DAB1: variants seen among roughly 807,000 people sequenced by gnomAD.
The protein encoded by DAB1 is disabled homolog 1.
A neutral mutation model predicts 64.6 loss-of-function variants in DAB1; 15 were observed. The observed-to-expected ratio is 0.23, with a 90% confidence interval of 0.16 to 0.36. The LOEUF (loss-of-function observed/expected upper bound fraction) is 0.36. Ranked by LOEUF, DAB1 falls within the 10% of genes least tolerant of loss-of-function variation. The pLI is 1.00. For synonymous variants in DAB1, 235 were observed against 251.9 expected (o/e 0.93, Z 0.64); for missense variants, 596 against 706.7 (o/e 0.84, Z 1.78).
chr1:57,320,613 C>T (rs904544331), intron 1 of DAB1, among the ~76,000 whole-genome samples: 3 of 152,100 alleles, frequency 2.0e-5, no homozygotes, highest in Non-Finnish European at 4.4e-5. Context: ...AGATCATGTT[C>T]ACACATTATG....
rs35985910 is a variant in DAB1 at position 58,167,054 on chromosome 1, TAA to T, written n.310-16468_310-16467del. ...TGAGCCATTGCACTCAGCCAACTAT[TAA>T]AAAAAAAAAAAGCTGCCAAATTGCT... On this transcript the variant is annotated intron_variant and non_coding_transcript_variant, in intron 4 of 20. Transcript: ENST00000485760. Among the ~76,000 whole-genome samples, 348 of 146,310 alleles carry T rather than the reference TAA, an allele frequency of 2.4e-3. 1 individual carries two copies. The highest frequency in any genetic ancestry group is 6.2e-3 in the African/African-American group (250 of 40,176).
At chr1:58,209,733 T>C (rs1658457975) in intron 4 of DAB1, among the ~76,000 whole-genome samples, 1 of 152,172 alleles carries the variant, frequency 6.6e-6, no homozygotes, top group Admixed American at 6.6e-5. Flanking sequence ...ATTAAACACA[T>C]TGAAAAAATA....
At chr1:57,579,518 G>T (rs537010330) in intron 7 of DAB1, among the ~76,000 whole-genome samples, 72 of 152,276 alleles carry the variant, frequency 4.7e-4, no homozygotes, top group South Asian at 3.5e-3. Context: ...TAATTAACAT[G>T]ACTATTTTTA....
chr1:57,238,862 C>T (rs1167158318), intron 2 of DAB1, among the ~76,000 whole-genome samples: 18 of 125,330 alleles, frequency 1.4e-4, no homozygotes, highest in Admixed American at 6.2e-4. Context: ...CACACACATA[C>T]ACACACACAC....
At chr1:57,915,200 T>C (rs1292738818) in intron 5 of DAB1, among the ~76,000 whole-genome samples, 1 of 152,118 alleles carries the variant, frequency 6.6e-6, no homozygotes, top group Non-Finnish European at 1.5e-5. Context: ...AATGTGTTTC[T>C]TTGGAGAATG....
intron 2 of DAB1, among the ~76,000 whole-genome samples, chr1:57,245,199 T>C (rs1341103946): frequency 1.3e-5 from 2 of 152,204 alleles, no homozygotes; most frequent in African/African-American, 2.4e-5. Context: ...TTGGCACAGA[T>C]TGGTGGCATT....
chr1:58,521,658 A>T (rs1465947464), intron 2 of DAB1, among the ~76,000 whole-genome samples: 1 of 152,142 alleles, frequency 6.6e-6, no homozygotes, highest in African/African-American at 2.4e-5. Flanking sequence ...ACTTCATGCC[A>T]ATGATTTTGA....
chr1:57,959,125 C>A (rs1327794107), intron 5 of DAB1, among the ~76,000 whole-genome samples: 2 of 152,152 alleles, frequency 1.3e-5, no homozygotes, highest in African/African-American at 2.4e-5. Context: ...AGTGTCCACT[C>A]CAGAGCAGTC....
At chr1:58,367,715 G>A (rs1644229431) in intron 3 of DAB1, among the ~76,000 whole-genome samples, 1 of 152,124 alleles carries the variant, frequency 6.6e-6, no homozygotes, top group Non-Finnish European at 1.5e-5. Flanking sequence ...GGACCCATGG[G>A]TCCATGACAT....
intron 1 of DAB1, among the ~76,000 whole-genome samples, chr1:57,415,530 A>T (rs562860694): frequency 2.0e-5 from 3 of 152,210 alleles, no homozygotes; most frequent in Non-Finnish European, 4.4e-5. Flanking sequence ...AAATCTATTC[A>T]GCTTCCCAAA....
chr1:57,689,493 C>A (rs1646738279), intron 6 of DAB1, among the ~76,000 whole-genome samples: 1 of 152,244 alleles, frequency 6.6e-6, no homozygotes, highest in Middle Eastern at 3.4e-3. Flanking sequence ...GAAGTCTTCC[C>A]TCTCCGAGTG....
At chr1:57,818,852 G>C (rs1014816610) in intron 6 of DAB1, among the ~76,000 whole-genome samples, 1 of 151,772 alleles carries the variant, frequency 6.6e-6, no homozygotes, top group Non-Finnish European at 1.5e-5. Context: ...CAGAAGATCC[G>C]AGTGCTGAAA....
intron 4 of DAB1, among the ~76,000 whole-genome samples, chr1:58,257,522 C>T (rs1440178213): frequency 6.6e-6 from 1 of 152,198 alleles, no homozygotes; most frequent in East Asian, 1.9e-4. Context: ...AAGGGCTACT[C>T]TCCTAACTTG....
chr1:57,163,251 TA>T (rs2100894137), intron 2 of DAB1, among the ~76,000 whole-genome samples: 1 of 152,184 alleles, frequency 6.6e-6, no homozygotes. Context: ...GGGGATAAAA[TA>T]GTCTGATGAA....
At chr1:57,318,762 G>T (rs529554498) in intron 1 of DAB1, among the ~76,000 whole-genome samples, 1 of 147,644 alleles carries the variant, frequency 6.8e-6, no homozygotes. Flanking sequence ...AAATTTCATC[G>T]GATTCCTCAG....
chr1:57,221,672 A>G (rs1666884489), intron 2 of DAB1, among the ~76,000 whole-genome samples: 1 of 152,196 alleles, frequency 6.6e-6, no homozygotes, highest in African/African-American at 2.4e-5. Flanking sequence ...GAGGATACTC[A>G]GTCTGTACTT....
chr1:58,500,597 ATTTT>A (rs1235725211), intron 3 of DAB1, among the ~76,000 whole-genome samples: 1 of 152,184 alleles, frequency 6.6e-6, no homozygotes, highest in African/African-American at 2.4e-5. Context: ...TTTGATAAAG[ATTTT>A]TTTAAGTTTC....
intron 5 of DAB1, among the ~76,000 whole-genome samples, chr1:58,058,713 T>C (rs909451746): frequency 3.9e-5 from 6 of 152,168 alleles, no homozygotes; most frequent in African/African-American, 1.4e-4. Context: ...AAGATGTGCA[T>C]CCTCTCTCCT....
At chr1:58,104,627 G>C (rs1339418068) in intron 5 of DAB1, among the ~76,000 whole-genome samples, 1 of 152,054 alleles carries the variant, frequency 6.6e-6, no homozygotes, top group African/African-American at 2.4e-5. Flanking sequence ...CCCAAATCCC[G>C]AGCCTTCCTT....
Sources: allele counts gnomAD v4.1 joint callset (sites outside exome capture counted in the v4.1 genomes callset), GRCh38; gene constraint gnomAD v4.1.1; transcripts MANE v1.5; gene names NCBI Gene and HGNC (gene_info 2026-07-23, HGNC 2026-07-21).